Variants in MTURN observed in about 807,000 individuals in gnomAD.
MTURN encodes the protein maturin, neural progenitor differentiation regulator homolog, also known as maturin.
MTURN carries 7 observed loss-of-function variants against 14.9 expected under a neutral mutation model. The ratio of observed to expected loss-of-function variants is 0.47; its 90% CI spans 0.27 to 0.88. The LOEUF is 0.88. Among genes scored for constraint, MTURN ranks in the 40% least tolerant of loss-of-function variants. The pLI, the probability that MTURN is intolerant of heterozygous loss-of-function variation, is 0.14. For missense variants in MTURN, 151 were observed against 174.1 expected (o/e 0.87, Z 0.75); for synonymous variants, 69 against 72.5 (o/e 0.95, Z 0.25).
chr7:30,136,940 G>T (rs1397366385), intron 1 of MTURN, among the ~76,000 whole-genome samples: 1 of 152,206 alleles, frequency 6.6e-6, no homozygotes, highest in Non-Finnish European at 1.5e-5. Context: ...TTTTTAAAGA[G>T]CCTTGGTTTT....
rs1462667689 is a variant in MTURN, at chr7:30,161,713, A to G, written c.*4165A>G. On this transcript the variant is annotated 3_prime_UTR_variant, in exon 3 of 3. Coordinates refer to ENST00000324453, the MANE Select transcript of MTURN (RefSeq NM_152793.3). ...GCGATCACAGACCCCTCTCCCCTGCAGTGGGTGTTAGCTCCAAAGAGATGC... is the reference window on the plus strand; with the variant it reads ...GCGATCACAGACCCCTCTCCCCTGCGGTGGGTGTTAGCTCCAAAGAGATGC... 6.6e-6 allele frequency: 1 copy of G among 152,252 alleles called. No individual in the cohort carries two copies. Among genetic ancestry groups the G allele is most frequent in the Non-Finnish European group, 1.5e-5 (1 of 68,056 alleles). The allele number at this position is 152,252 out of a possible 1,614,324, so 9.4% of individuals were successfully genotyped here. A position where few individuals can be genotyped will look rare whatever the true frequency, so the allele number is the denominator to read the frequency against.
chr7:30,136,493 G>A (rs1198731691), intron 1 of MTURN, among the ~76,000 whole-genome samples: 1 of 152,228 alleles, frequency 6.6e-6, no homozygotes, highest in African/African-American at 2.4e-5. Flanking sequence ...TCAGGTGGGG[G>A]AGACAAAGCT....
intron 2 of MTURN, among the ~76,000 whole-genome samples, chr7:30,150,536 A>G (rs925391898): frequency 1.1e-4 from 17 of 152,096 alleles, no homozygotes. Flanking sequence ...ATGATTTTTT[A>G]TTTTCTTCTT....
intron 2 of MTURN, among the ~76,000 whole-genome samples, chr7:30,155,683 G>T (rs1797276822): frequency 6.6e-6 from 1 of 152,238 alleles, no homozygotes; most frequent in Admixed American, 6.5e-5. Flanking sequence ...GCAGTTGACT[G>T]TGTACGCCTT....
At chr7:30,146,038 T>C (rs1797123927) in intron 1 of MTURN, 139 bp from the exon 2 acceptor site, 1 of 1,582,782 alleles carries the variant, frequency 6.3e-7, no homozygotes, top group Non-Finnish European at 8.6e-7. Context: ...CAAGAACGCA[T>C]GTATGAATTT....
chr7:30,135,045 C>T lies in MTURN; in HGVS notation c.-92C>T, dbSNP rs1490409109. ...CAGCCCGGCCCCGGAGGAGCCCGCG[C>T]AGGCCGAGCCGAGCGCCGCGCTGCC... is the stretch of plus-strand genomic sequence containing the variant. On this transcript the variant is annotated 5_prime_UTR_variant, in exon 1 of 3. Coordinates refer to ENST00000324453, the MANE Select transcript of MTURN (RefSeq NM_152793.3). 1 of 1,091,822 alleles carries T rather than the reference C, an allele frequency of 9.2e-7. No individual in the cohort carries two copies. The highest frequency in any genetic ancestry group is 1.1e-6 in the Non-Finnish European group (1 of 887,918). 67.6% of individuals were successfully genotyped at this position (1,091,822 alleles called of 1,614,324 possible). A position where few individuals can be genotyped will look rare whatever the true frequency, so the allele number is the denominator to read the frequency against.
intron 1 of MTURN, among the ~76,000 whole-genome samples, chr7:30,136,052 C>G (rs1319240838): frequency 6.6e-6 from 1 of 152,258 alleles, no homozygotes; most frequent in Non-Finnish European, 1.5e-5. Flanking sequence ...CCCCTGCCCC[C>G]GCGCTGCCCT....
At chr7:30,138,296 G>A (rs575293091) in intron 1 of MTURN, among the ~76,000 whole-genome samples, 21 of 152,088 alleles carry the variant, frequency 1.4e-4, no homozygotes, top group Non-Finnish European at 2.4e-4. Context: ...TCTATTTTTC[G>A]TAGAGACAGG....
In MTURN at chr7:30,135,155, G is replaced by T; in HGVS notation, c.19G>T (p.Ala7Ser). 6 of 1,465,588 alleles carry T rather than the reference G, an allele frequency of 4.1e-6. No homozygotes were observed. Among genetic ancestry groups the T allele is most frequent in the Non-Finnish European group, 5.4e-6 (6 of 1,102,122 alleles). The allele number at this position is 1,465,588 out of a possible 1,614,324, so 90.8% of individuals were successfully genotyped here. A position where few individuals can be genotyped will look rare whatever the true frequency, so the allele number is the denominator to read the frequency against. ...GGCCGCGATGGATTTCCAGCAGCTG[G>T]CCGACGTTGCGGAGAAATGGTGCTC... The part of the protein sequence containing the change: MDFQQL[A>S]DVAEKWCSNT... The change falls in exon 1 of 3, where the codon GCC becomes TCC. Residue 7 changes from alanine to serine, a missense_variant. Coordinates refer to ENST00000324453, the MANE Select transcript of MTURN (RefSeq NM_152793.3).
chr7:30,142,299 A>G (rs895554859), intron 1 of MTURN, among the ~76,000 whole-genome samples: 5 of 152,228 alleles, frequency 3.3e-5, no homozygotes, highest in African/African-American at 1.2e-4. Context: ...GATTTTCTGT[A>G]GGAAAGAGTA....
intron 1 of MTURN, among the ~76,000 whole-genome samples, chr7:30,138,607 A>G (rs2041684): frequency 0.72 from 109,968 of 151,782 alleles, 40,865 homozygotes; most frequent in East Asian, 0.94. Flanking sequence ...ACTGAAGTGG[A>G]GGTACTAAAT....
At chr7:30,136,149 C>G (rs767287532) in intron 1 of MTURN, among the ~76,000 whole-genome samples, 4 of 152,212 alleles carry the variant, frequency 2.6e-5, no homozygotes, top group Non-Finnish European at 4.4e-5. Flanking sequence ...TGCTGAAGCC[C>G]GTTGGCTTTT....
intron 2 of MTURN, among the ~76,000 whole-genome samples, chr7:30,150,967 T>C (rs1797203150): frequency 6.6e-6 from 1 of 152,212 alleles, no homozygotes; most frequent in South Asian, 2.1e-4. Context: ...GAAGTCAGAC[T>C]GAGAACCCAA....
chr7:30,138,430 C>T (rs1034135789), intron 1 of MTURN, among the ~76,000 whole-genome samples: 2 of 152,064 alleles, frequency 1.3e-5, no homozygotes, highest in Non-Finnish European at 2.9e-5. Flanking sequence ...GCCATAGTTT[C>T]TACATCTGTA....
In MTURN at chr7:30,158,358, G is replaced by A. The variant is rs957788104; in HGVS notation, c.*810G>A. 2.0e-5 allele frequency: 3 copies of A among 152,634 alleles called. No individual in the cohort carries two copies. The highest frequency in any genetic ancestry group is 4.4e-5 in the Non-Finnish European group (3 of 68,032). The allele number at this position is 152,634 out of a possible 1,614,324, so 9.5% of individuals were successfully genotyped here. On this transcript the variant is annotated 3_prime_UTR_variant, in exon 3 of 3. Coordinates refer to ENST00000324453, the MANE Select transcript of MTURN (RefSeq NM_152793.3). Reference sequence around the variant, plus strand: ...ATTTTACCTTCTCTCTTTCTAATGAGATGGCCGCTTGTTAAATCATGAAAA... The same window carrying A: ...ATTTTACCTTCTCTCTTTCTAATGAAATGGCCGCTTGTTAAATCATGAAAA...
At chr7:30,146,408 T>C in intron 2 of MTURN, 109 bp downstream of exon 2, 1 of 1,472,118 alleles carries the variant, frequency 6.8e-7, no homozygotes, top group African/African-American at 1.4e-5. Flanking sequence ...CTAATTGTTT[T>C]TCTCTTGTCT....
In MTURN at chr7:30,161,485, C is replaced by T. The variant is rs1797373725; in HGVS notation, c.*3937C>T. The T allele has an allele frequency of 2.6e-5, 4 of 152,226 alleles. No individual in the cohort carries two copies. In the South Asian group the frequency reaches 8.3e-4, roughly 31 times the overall value. The allele number at this position is 152,226 out of a possible 1,614,324, so 9.4% of individuals were successfully genotyped here. A position where few individuals can be genotyped will look rare whatever the true frequency, so the allele number is the denominator to read the frequency against. On this transcript the variant is annotated 3_prime_UTR_variant, in exon 3 of 3. Transcript: ENST00000324453. ...GGTAGGGCTCTTTCCTTCAGTAAAA[C>T]CAGCTGCCAGCCTGAGAAGCCTGTC...
intron 1 of MTURN, among the ~76,000 whole-genome samples, chr7:30,136,476 A>C (rs562276999): frequency 2.0e-5 from 3 of 152,286 alleles, no homozygotes; most frequent in East Asian, 3.9e-4. Flanking sequence ...GGCCTGGTGC[A>C]CGCTCCTCAG....
At chr7:30,143,694 G>A (rs190962960) in intron 1 of MTURN, among the ~76,000 whole-genome samples, 2 of 152,254 alleles carry the variant, frequency 1.3e-5, no homozygotes, top group Admixed American at 6.5e-5. Flanking sequence ...CCTTTCGTGG[G>A]TATTAAGTCT....
Sources: allele counts gnomAD v4.1 joint callset (sites outside exome capture counted in the v4.1 genomes callset), GRCh38; gene constraint gnomAD v4.1.1; transcripts MANE v1.5; gene names NCBI Gene and HGNC (gene_info 2026-07-23, HGNC 2026-07-21).